SUGCT: variants seen among roughly 807,000 people sequenced by gnomAD.
SUGCT encodes the protein succinyl-CoA:glutarate-CoA transferase, also known as succinyl-CoA:glutarate CoA-transferase.
Under a neutral mutation model 55.0 loss-of-function variants are expected in SUGCT, and 41 were observed. The ratio of observed to expected loss-of-function variants is 0.74; its 90% CI spans 0.58 to 0.97. SUGCT has a LOEUF of 0.97. SUGCT is among the 50% of genes least tolerant of loss of function. The probability of loss-of-function intolerance (pLI) is 0.00; values close to 1 mark genes in which losing one functional copy is unlikely to be tolerated. For synonymous variants in SUGCT, 187 were observed against 200.4 expected (o/e 0.93, Z 0.56); for missense variants, 568 against 547.8 (o/e 1.04, Z -0.37).
chr7:40,404,950 G>T (rs1413933786), intron 9 of SUGCT, among the ~76,000 whole-genome samples: 1 of 152,152 alleles, frequency 6.6e-6, no homozygotes, highest in Non-Finnish European at 1.5e-5. Context: ...TGTCTTTATA[G>T]AATTAGCTGG....
chr7:40,728,362 T>C lies in SUGCT; in HGVS notation c.1090-21072T>C, dbSNP rs376464307. The stretch of plus-strand genomic sequence containing the variant: ...GGCGAAACACTGTCTCTACTAAAAA[T>C]ACAAAAATTAGCCGGGCATAGTGGT... On this transcript the variant is annotated intron_variant, in intron 12 of 13. Coordinates refer to ENST00000335693, the MANE Select transcript of SUGCT (RefSeq NM_001193313.2). Among the ~76,000 whole-genome samples the C allele has an allele frequency of 3.6e-4, 54 of 152,110 alleles. No individual in the cohort carries two copies. The South Asian group carries it at 0.011, about 32-fold the overall frequency.
At chr7:40,698,207 G>C (rs891961013) in intron 12 of SUGCT, among the ~76,000 whole-genome samples, 4 of 152,214 alleles carry the variant, frequency 2.6e-5, no homozygotes, top group Non-Finnish European at 5.9e-5. Context: ...GAGAGGTAAA[G>C]GTGGTATCTA....
chr7:40,216,814 C>T (rs1787687488), intron 6 of SUGCT, among the ~76,000 whole-genome samples: 2 of 151,578 alleles, frequency 1.3e-5, no homozygotes, highest in Non-Finnish European at 2.9e-5. Flanking sequence ...TGAGAGTGCG[C>T]CATTGCACTC....
At position 40,459,162 on chromosome 7, in the gene SUGCT, A is replaced by C. The variant is rs1789653517; in HGVS notation, c.950A>C (p.His317Pro). Reference protein sequence around the residue: ...SKYKTNHLRVHNRKELIKILS... With the variant: ...SKYKTNHLRVPNRKELIKILS... The stretch of plus-strand genomic sequence containing the variant: ...TATAAAACTAACCACCTTCGGGTAC[A>C]CAATAGAAAAGAGCTTATTAAAATA... The change falls in exon 11 of 14, where the codon CAC (histidine) becomes CCC (proline). Residue 317 changes from histidine to proline, a missense_variant. His to Pro is a moderately conservative substitution (Grantham distance 77). Transcript: ENST00000335693. 1.2e-6 allele frequency: 2 copies of C among 1,610,948 alleles called. No individual in the cohort carries two copies. The highest frequency in any genetic ancestry group is 3.3e-5 in the Admixed American group (2 of 59,996).
At chr7:40,979,662 G>C in the SUGCT span, 1 of 152,120 alleles carries the variant, frequency 6.6e-6, no homozygotes, top group Non-Finnish European at 1.5e-5. Flanking sequence ...TGAGGAGAAG[G>C]GTGGGGAAAT....
chr7:40,317,773 T>C (rs890434523), intron 9 of SUGCT, among the ~76,000 whole-genome samples: 2 of 152,218 alleles, frequency 1.3e-5, no homozygotes, highest in African/African-American at 2.4e-5. Flanking sequence ...AAAACTAGTT[T>C]CTTTTCCATT....
intron 13 of SUGCT, among the ~76,000 whole-genome samples, chr7:40,824,856 G>A (rs111671426): frequency 1.3e-5 from 2 of 152,312 alleles, no homozygotes; most frequent in African/African-American, 4.8e-5. Context: ...ACTTATGAGG[G>A]CAGAGCCCTC....
At chr7:40,998,412 C>T in the SUGCT span, among the ~76,000 whole-genome samples, 1 of 151,656 alleles carries the variant, frequency 6.6e-6, no homozygotes, top group East Asian at 1.9e-4. Context: ...TACATAATCA[C>T]TACTACATTA....
intron 12 of SUGCT, among the ~76,000 whole-genome samples, chr7:40,528,037 A>T (rs979091531): frequency 2.0e-5 from 3 of 152,094 alleles, no homozygotes; most frequent in African/African-American, 7.2e-5. Flanking sequence ...TCAAATTCTG[A>T]CTCTACTTAT....
intron 7 of SUGCT, among the ~76,000 whole-genome samples, chr7:40,269,934 C>T (rs1791892805): frequency 1.3e-5 from 2 of 152,084 alleles, no homozygotes; most frequent in Middle Eastern, 3.4e-3. Context: ...CCCAGGAGTT[C>T]AAGACCAGCC....
At chr7:41,033,082 C>G in the SUGCT span, among the ~76,000 whole-genome samples, 1 of 152,284 alleles carries the variant, frequency 6.6e-6, no homozygotes, top group Non-Finnish European at 1.5e-5. Context: ...CCAATTTAAG[C>G]CCCTGTTTTG....
rs1446660444 is a variant in SUGCT at position 40,357,742 on chromosome 7, C to CT, written c.816+40893dup. On this transcript the variant is annotated intron_variant, in intron 9 of 13. Coordinates refer to ENST00000335693, the MANE Select transcript of SUGCT (RefSeq NM_001193313.2). Reference sequence around the variant, plus strand: ...ATTTATCTTTTTTCTTTTTTCTTTTCTTTTTTGTCTTTTTAAAATCTTTTT... The same window carrying CT: ...ATTTATCTTTTTTCTTTTTTCTTTTCTTTTTTTGTCTTTTTAAAATCTTTTT... Among the ~76,000 whole-genome samples the CT allele has an allele frequency of 3.3e-5, 5 of 150,942 alleles. No individual in the cohort carries two copies. The East Asian group carries it at 7.8e-4, about 24-fold the overall frequency.
At chr7:40,610,239 C>T (rs1158244019) in intron 12 of SUGCT, among the ~76,000 whole-genome samples, 1 of 152,144 alleles carries the variant, frequency 6.6e-6, no homozygotes, top group Non-Finnish European at 1.5e-5. Context: ...CTTAAGTACA[C>T]CCACATTAAG....
chr7:40,757,820 A>G (rs182450635), intron 13 of SUGCT, among the ~76,000 whole-genome samples: 12 of 152,322 alleles, frequency 7.9e-5, no homozygotes, highest in Non-Finnish European at 1.6e-4. Flanking sequence ...CAGAAGATGT[A>G]TCAGAAATTT....
At chr7:40,696,715 G>A (rs17171765) in intron 12 of SUGCT, among the ~76,000 whole-genome samples, 2,058 of 152,152 alleles carry the variant, frequency 0.014, 124 homozygotes, top group East Asian at 0.11. Context: ...CATGCTCAGC[G>A]ACATTTTCTT....
At chr7:40,772,616 T>TATCTATC (rs1757853487) in intron 13 of SUGCT, among the ~76,000 whole-genome samples, 1 of 151,668 alleles carries the variant, frequency 6.6e-6, no homozygotes, top group Non-Finnish European at 1.5e-5. Context: ...TCTATCTATC[T>TATCTATC]ATCTATCTAT....
chr7:40,407,902 C>A (rs1202712124), intron 9 of SUGCT, among the ~76,000 whole-genome samples: 2 of 152,108 alleles, frequency 1.3e-5, no homozygotes, highest in Non-Finnish European at 2.9e-5. Flanking sequence ...AACTACCTTA[C>A]CCCTGAGTTC....
chr7:40,362,714 A>T (rs1234136823), intron 9 of SUGCT, among the ~76,000 whole-genome samples: 1 of 152,162 alleles, frequency 6.6e-6, no homozygotes, highest in Non-Finnish European at 1.5e-5. Context: ...GATATAATTT[A>T]TATATTATAA....
chr7:40,676,515 T>G (rs571942913), intron 12 of SUGCT, among the ~76,000 whole-genome samples: 2 of 150,804 alleles, frequency 1.3e-5, no homozygotes, highest in African/African-American at 4.9e-5. Flanking sequence ...TTTTTTTTTT[T>G]TTTTTGAGAT....
Sources: gnomAD v4.1 joint callset for allele counts (sites outside exome capture counted in the v4.1 genomes callset) on GRCh38, gnomAD v4.1.1 for gene constraint, MANE v1.5 for transcripts, NCBI Gene and HGNC (gene_info 2026-07-23, HGNC 2026-07-21) for gene names.